AUTS2: variants seen among roughly 807,000 people sequenced by gnomAD.
The protein encoded by AUTS2 is activator of transcription and developmental regulator AUTS2.
A neutral mutation model predicts 112.4 loss-of-function variants in AUTS2; 17 were observed. That is an observed-to-expected ratio of 0.15 (90% CI 0.10 to 0.23). AUTS2 has a LOEUF of 0.23. AUTS2 is among the 10% of genes least tolerant of loss of function. The pLI, the probability that AUTS2 is intolerant of heterozygous loss-of-function variation, is 1.00. For synonymous variants in AUTS2, 751 were observed against 702.7 expected (o/e 1.07, Z -1.09); for missense variants, 1,510 against 1,701.6 (o/e 0.89, Z 1.98).
chr7:69,870,449 A>T (rs1342642762), intron 1 of AUTS2, among the ~76,000 whole-genome samples: 1 of 15,488 alleles, frequency 6.5e-5, no homozygotes, highest in African/African-American at 2.0e-4. Flanking sequence ...TGTGTGTGTA[A>T]TATATATATA....
chr7:70,595,456 C>G (rs1386063942), intron 5 of AUTS2, among the ~76,000 whole-genome samples: 1 of 151,872 alleles, frequency 6.6e-6, no homozygotes, highest in Non-Finnish European at 1.5e-5. Context: ...ATTTACTGAC[C>G]TCTCGGGTTG....
chr7:69,612,939 A>G (rs1447630543), intron 1 of AUTS2, among the ~76,000 whole-genome samples: 1 of 152,188 alleles, frequency 6.6e-6, no homozygotes, highest in East Asian at 1.9e-4. Flanking sequence ...AATTCCATGA[A>G]AAGAAATTTT....
intron 2 of AUTS2, among the ~76,000 whole-genome samples, chr7:69,927,496 C>T (rs1164967643): frequency 2.6e-5 from 4 of 152,160 alleles, no homozygotes; most frequent in African/African-American, 7.2e-5. Flanking sequence ...TAGGGTGTCA[C>T]TTCGTCAGCC....
chr7:70,339,959 A>G (rs1791180995), intron 4 of AUTS2, among the ~76,000 whole-genome samples: 1 of 152,200 alleles, frequency 6.6e-6, no homozygotes, highest in Admixed American at 6.5e-5. Flanking sequence ...ATACTTTGAA[A>G]GGAAAAGAGA....
At chr7:69,687,172 G>A (rs571716458) in intron 1 of AUTS2, among the ~76,000 whole-genome samples, 4 of 152,222 alleles carry the variant, frequency 2.6e-5, no homozygotes, top group South Asian at 2.1e-4. Context: ...GCACCACTGC[G>A]CATCATGAGA....
chr7:70,030,595 C>G (rs1360516801), intron 2 of AUTS2, among the ~76,000 whole-genome samples: 1 of 152,020 alleles, frequency 6.6e-6, no homozygotes, highest in Admixed American at 6.6e-5. Flanking sequence ...AGGGAGAAAC[C>G]AATTAGACAA....
intron 4 of AUTS2, among the ~76,000 whole-genome samples, chr7:70,145,883 A>G (rs1324415839): frequency 6.6e-6 from 1 of 152,120 alleles, no homozygotes; most frequent in Non-Finnish European, 1.5e-5. Flanking sequence ...TACGTTGTTA[A>G]CACTGTCATA....
chr7:69,742,949 A>G (rs1787330980), intron 1 of AUTS2, among the ~76,000 whole-genome samples: 1 of 152,188 alleles, frequency 6.6e-6, no homozygotes, highest in South Asian at 2.1e-4. Flanking sequence ...AGATCCACAG[A>G]AAAGATGGGG....
intron 5 of AUTS2, among the ~76,000 whole-genome samples, chr7:70,664,249 A>C (rs1260203311): frequency 6.6e-6 from 1 of 152,222 alleles, no homozygotes; most frequent in East Asian, 1.9e-4. Context: ...AAGCTCACAC[A>C]CAGTTTTGCA....
chr7:70,182,270 CCA>C (rs1809358905), intron 4 of AUTS2, among the ~76,000 whole-genome samples: 1 of 152,216 alleles, frequency 6.6e-6, no homozygotes, highest in African/African-American at 2.4e-5. Context: ...CTTTCAGATG[CCA>C]GTGTCATTTC....
intron 2 of AUTS2, among the ~76,000 whole-genome samples, chr7:69,971,291 C>T (rs1367185894): frequency 6.6e-6 from 1 of 152,120 alleles, no homozygotes; most frequent in African/African-American, 2.4e-5. Context: ...AGTATATGAC[C>T]TTGGGCAATA....
intron 2 of AUTS2, among the ~76,000 whole-genome samples, chr7:69,976,684 T>G (rs1280097797): frequency 1.3e-5 from 2 of 152,240 alleles, no homozygotes; most frequent in Non-Finnish European, 2.9e-5. Context: ...GAGGGGATAA[T>G]GCATTTCTCT....
At chr7:70,669,226 C>T (rs897069125) in intron 5 of AUTS2, among the ~76,000 whole-genome samples, 3 of 152,182 alleles carry the variant, frequency 2.0e-5, no homozygotes, top group African/African-American at 7.2e-5. Flanking sequence ...ACATCTAAGC[C>T]TGGCAGGGCC....
intron 1 of AUTS2, among the ~76,000 whole-genome samples, chr7:69,727,601 T>TAAA (rs564683867): frequency 6.6e-6 from 1 of 151,702 alleles, no homozygotes; most frequent in Admixed American, 6.6e-5. Context: ...AAAATAAAAA[T>TAAA]AAAAAAAATA....
chr7:69,837,667 C>T lies in AUTS2; in HGVS notation c.310-61619C>T, dbSNP rs1030235666. ...TGTTCTTGCTTATTTGCCAGGGACA[C>T]CAGCAGAGAAGCGTTCATCAAGAGG... is the stretch of plus-strand genomic sequence containing the variant. On this transcript the variant is annotated intron_variant, in intron 1 of 18. Transcript: ENST00000342771. Among the ~76,000 whole-genome samples, 3 of 152,126 alleles carry T rather than the reference C, an allele frequency of 2.0e-5. No individual in the cohort carries two copies. In the East Asian group the frequency reaches 5.8e-4, roughly 29 times the overall value.
intron 4 of AUTS2, among the ~76,000 whole-genome samples, chr7:70,273,651 A>G (rs1787796440): frequency 6.6e-6 from 1 of 152,134 alleles, no homozygotes; most frequent in South Asian, 2.1e-4. Flanking sequence ...ACCCCTTGGT[A>G]TACTGAGGGA....
intron 1 of AUTS2, among the ~76,000 whole-genome samples, chr7:69,754,086 C>T (rs1417795882): frequency 6.6e-6 from 1 of 152,138 alleles, no homozygotes; most frequent in Non-Finnish European, 1.5e-5. Flanking sequence ...TGGTTTTGTG[C>T]AGAGTGCTCC....
chr7:70,688,604 G>A (rs1027469576), intron 5 of AUTS2, among the ~76,000 whole-genome samples: 6 of 152,172 alleles, frequency 3.9e-5, no homozygotes, highest in African/African-American at 1.2e-4. Context: ...AAGGTGGGAG[G>A]ATCGCTTGAG....
intron 5 of AUTS2, among the ~76,000 whole-genome samples, chr7:70,486,743 A>G (rs1173868417): frequency 1.3e-5 from 2 of 151,752 alleles, no homozygotes; most frequent in African/African-American, 4.9e-5. Flanking sequence ...TGTGTGACAG[A>G]GTGAGATTCC....
Sources: gnomAD v4.1 joint callset for allele counts (sites outside exome capture counted in the v4.1 genomes callset) on GRCh38, gnomAD v4.1.1 for gene constraint, MANE v1.5 for transcripts, NCBI Gene and HGNC (gene_info 2026-07-23, HGNC 2026-07-21) for gene names.